TBCK: variants seen among roughly 807,000 people sequenced by gnomAD.
TBCK encodes TBC1 domain containing kinase, also known as TBC domain-containing protein kinase-like protein.
TBCK carries 99 observed loss-of-function variants against 113.4 expected under a neutral mutation model. The ratio of observed to expected loss-of-function variants is 0.87; its 90% confidence interval spans 0.74 to 1.03. TBCK has a LOEUF of 1.03. Among genes scored for constraint, TBCK ranks in the 50% least tolerant of loss-of-function variants. TBCK has a pLI of 0.00. For missense variants in TBCK, 1,045 were observed against 1,061.3 expected (o/e 0.98, Z 0.21); for synonymous variants, 369 against 370.8 (o/e 1.00, Z 0.05).
Position 106,230,383 on chromosome 4 carries a change from T to C in TBCK, c.1754A>G (p.Asp585Gly), listed in dbSNP as rs748848605. 1.2e-6 allele frequency: 2 copies of C among 1,600,644 alleles called. No homozygotes were observed. The highest frequency in any genetic ancestry group is 2.2e-5 in the East Asian group (1 of 44,630). Residue 585 changes from aspartate to glycine, a missense_variant, in exon 19 of 26, where the codon GAC becomes GGC. Asp to Gly is a moderately conservative substitution (Grantham distance 94). Transcript: ENST00000394708. ...PKYLYNFFLK[D>G]NSHVIQEYLT... ...CTTACCTTGTATTACATGTGAGTTGTCTTTTAAGAAGAAGTTATACAGGTA... is the reference window on the plus strand; with the variant it reads ...CTTACCTTGTATTACATGTGAGTTGCCTTTTAAGAAGAAGTTATACAGGTA...
intron 19 of TBCK, among the ~76,000 whole-genome samples, chr4:106,219,739 A>C (rs1757448731): frequency 1.3e-5 from 2 of 151,928 alleles, no homozygotes; most frequent in Admixed American, 6.6e-5. Context: ...GGGTTTTGCT[A>C]TGTTGTCTAG....
intron 11 of TBCK, 89 bp downstream of exon 11, chr4:106,244,537 A>C: frequency 8.5e-7 from 1 of 1,179,344 alleles, no homozygotes; most frequent in Non-Finnish European, 1.1e-6. Context: ...TTAAAAAAAA[A>C]AAACACCGAT....
chr4:106,094,625 T>C (rs1458344238), intron 25 of TBCK, among the ~76,000 whole-genome samples: 1 of 152,216 alleles, frequency 6.6e-6, no homozygotes, highest in Non-Finnish European at 1.5e-5. Context: ...ATTTCCCTGA[T>C]GACAGAATTT....
chr4:106,108,926 T>C (rs770280038), intron 24 of TBCK, among the ~76,000 whole-genome samples: 3 of 151,992 alleles, frequency 2.0e-5, no homozygotes, highest in Non-Finnish European at 4.4e-5. Flanking sequence ...ACAAAAGCAA[T>C]GTACAAAAAT....
At chr4:106,263,250 T>C (rs891245232) in intron 3 of TBCK, among the ~76,000 whole-genome samples, 6 of 151,642 alleles carry the variant, frequency 4.0e-5, no homozygotes, top group South Asian at 2.1e-4. Flanking sequence ...TTAAAACCAA[T>C]AGTAGAGATA....
chr4:106,161,736 G>A (rs530647445), intron 23 of TBCK, among the ~76,000 whole-genome samples: 2 of 151,796 alleles, frequency 1.3e-5, no homozygotes, highest in Non-Finnish European at 2.9e-5. Context: ...GTGTATGTGT[G>A]TATGTAAGAA....
intron 25 of TBCK, among the ~76,000 whole-genome samples, chr4:106,083,759 C>A (rs112743910): frequency 0.027 from 4,178 of 152,188 alleles, 187 homozygotes; most frequent in African/African-American, 0.096. Context: ...TGGTCTCCAG[C>A]CTCCTTGAGT....
chr4:106,149,401 T>C lies in TBCK; in HGVS notation c.2235+21694A>G, dbSNP rs1453970080. ...AAGCTTAATCATTTCTAGCTTTTGA[T>C]TTAAAGTAAGAGATGTGTGATTCTT... On this transcript the variant is annotated intron_variant, in intron 23 of 25. Coordinates refer to ENST00000394708, the MANE Select transcript of TBCK (RefSeq NM_001163435.3). Among the ~76,000 whole-genome samples, 6 of 152,320 alleles carry C rather than the reference T, an allele frequency of 3.9e-5. No homozygotes were observed. In the East Asian group the frequency reaches 1.2e-3, roughly 29 times the overall value.
At chr4:106,137,816 G>T (rs2149642677) in intron 23 of TBCK, among the ~76,000 whole-genome samples, 1 of 139,870 alleles carries the variant, frequency 7.1e-6, no homozygotes, top group Middle Eastern at 3.5e-3. Flanking sequence ...GAGACTTTAT[G>T]CTAAAACGTT....
intron 22 of TBCK, among the ~76,000 whole-genome samples, chr4:106,185,302 T>C (rs915494873): frequency 2.0e-5 from 3 of 152,096 alleles, no homozygotes; most frequent in Non-Finnish European, 4.4e-5. Context: ...CTAGTCTATG[T>C]GTATGTGTCC....
At chr4:106,200,191 A>G (rs544881975) in intron 20 of TBCK, among the ~76,000 whole-genome samples, 113 of 152,132 alleles carry the variant, frequency 7.4e-4, no homozygotes, top group Non-Finnish European at 1.5e-3. Flanking sequence ...TGCTTTCTTA[A>G]AGCATTTATT....
At chr4:106,203,213 G>T (rs1200049639) in intron 20 of TBCK, among the ~76,000 whole-genome samples, 1 of 151,128 alleles carries the variant, frequency 6.6e-6, no homozygotes, top group Non-Finnish European at 1.5e-5. Flanking sequence ...TTATATGATG[G>T]ATATCCTTCA....
chr4:106,149,208 T>C (rs1305107404), intron 23 of TBCK, among the ~76,000 whole-genome samples: 1 of 152,212 alleles, frequency 6.6e-6, no homozygotes, highest in African/African-American at 2.4e-5. Context: ...CCACTAAAAC[T>C]TTCTCCATAT....
At chr4:106,136,107 G>T (rs1344996915) in intron 23 of TBCK, among the ~76,000 whole-genome samples, 1 of 141,510 alleles carries the variant, frequency 7.1e-6, no homozygotes, top group Non-Finnish European at 1.6e-5. Context: ...ATTGGTAATC[G>T]AGAGCTTTGC....
At chr4:106,194,890 T>G in intron 20 of TBCK, 136 bp from the exon 21 acceptor site, 2 of 834,118 alleles carry the variant, frequency 2.4e-6, no homozygotes, top group South Asian at 1.7e-5. Flanking sequence ...TAAAAGAGAA[T>G]GTAGTGTTAA....
chr4:106,270,165 A>ATT (rs1763348914), intron 3 of TBCK, among the ~76,000 whole-genome samples: 1 of 152,192 alleles, frequency 6.6e-6, no homozygotes, highest in Non-Finnish European at 1.5e-5. Flanking sequence ...GTTATATCAT[A>ATT]TGTATATATC....
chr4:106,212,160 ATTT>A, intron 20 of TBCK, among the ~76,000 whole-genome samples: 1 of 152,212 alleles, frequency 6.6e-6, no homozygotes, highest in South Asian at 2.1e-4. Flanking sequence ...TTCATTTGTT[ATTT>A]TTAATTGATA....
chr4:106,229,343 C>A (rs1579322367), intron 19 of TBCK, among the ~76,000 whole-genome samples: 1 of 151,948 alleles, frequency 6.6e-6, no homozygotes, highest in East Asian at 1.9e-4. Context: ...GGAGAGCTTC[C>A]CCAGTGTTTT....
At chr4:106,094,001 G>C (rs1380436677) in intron 25 of TBCK, among the ~76,000 whole-genome samples, 2 of 152,136 alleles carry the variant, frequency 1.3e-5, no homozygotes, top group Admixed American at 1.3e-4. Context: ...GTGCATGTGT[G>C]GGGTAGTGGT....
Sources: allele counts gnomAD v4.1 joint callset (sites outside exome capture counted in the v4.1 genomes callset), GRCh38; gene constraint gnomAD v4.1.1; transcripts MANE v1.5; gene names NCBI Gene and HGNC (gene_info 2026-07-23, HGNC 2026-07-21).